Variants in NEDD4L observed in about 807,000 individuals in gnomAD.
NEDD4L encodes the protein E3 ubiquitin-protein ligase NEDD4-like.
In NEDD4L, 54 loss-of-function variants were observed where a neutral mutation model predicts 148.9. The observed-to-expected ratio is 0.36, with a 90% CI of 0.29 to 0.45. NEDD4L has a LOEUF of 0.45. Among genes scored for constraint, NEDD4L ranks in the 20% least tolerant of loss-of-function variants. The pLI, the probability that NEDD4L is intolerant of heterozygous loss-of-function variation, is 1.00. For missense variants in NEDD4L, 856 were observed against 1,233.8 expected (o/e 0.69, Z 4.59); for synonymous variants, 433 against 440.7 (o/e 0.98, Z 0.22).
chr18:58,341,613 C>T (rs190391806), intron 14 of NEDD4L, 65 bp from the exon 15 acceptor site: 29 of 1,552,208 alleles, frequency 1.9e-5, no homozygotes, highest in African/African-American at 5.5e-5. Context: ...TTTGGGTTCG[C>T]GCTCCTAATC....
chr18:58,222,120 C>G (rs570214112), intron 2 of NEDD4L, among the ~76,000 whole-genome samples: 3 of 152,074 alleles, frequency 2.0e-5, no homozygotes, highest in Non-Finnish European at 4.4e-5. Context: ...AAACAGAGAC[C>G]GCTGAAGTTC....
intron 5 of NEDD4L, among the ~76,000 whole-genome samples, chr18:58,270,782 T>G (rs1600503470): frequency 6.6e-6 from 1 of 152,080 alleles, no homozygotes; most frequent in African/African-American, 2.4e-5. Flanking sequence ...GATTCCCTCT[T>G]CTAATTTGCT....
rs1183445009 is a variant in NEDD4L, at chr18:58,214,783, G to GTTTCTTTC, written c.123-30635_123-30628dup. On this transcript the variant is annotated intron_variant, in intron 2 of 30. Transcript: ENST00000400345. ...GTTTTTAAAACTCTGTGGTATTTCT[G>GTTTCTTTC]TTTCTTTCTTTCTTTCATTTTTTTT... 6.0e-4 allele frequency among the ~76,000 whole-genome samples: 59 copies of GTTTCTTTC among 98,098 alleles called. 1 individual carries two copies. Among genetic ancestry groups the GTTTCTTTC allele is most frequent in the Non-Finnish European group, 8.6e-4 (41 of 47,668 alleles). 64.4% of individuals were successfully genotyped at this position (98,098 alleles called of 152,430 possible).
intron 1 of NEDD4L, among the ~76,000 whole-genome samples, chr18:58,100,937 C>A (rs2084715611): frequency 6.6e-6 from 1 of 152,128 alleles, no homozygotes; most frequent in African/African-American, 2.4e-5. Context: ...TCCCGAGTAG[C>A]TGGGATGACA....
In NEDD4L at chr18:58,398,341, G is replaced by A. The variant is rs751484829; in HGVS notation, c.*2072G>A. 6 of 151,326 alleles carry A rather than the reference G, an allele frequency of 4.0e-5. No homozygotes were observed. Among genetic ancestry groups the A allele is most frequent in the African/African-American group, 9.8e-5 (4 of 40,776 alleles). 9.4% of individuals were successfully genotyped at this position (151,326 alleles called of 1,614,324 possible). A position where few individuals can be genotyped will look rare whatever the true frequency, so the allele number is the denominator to read the frequency against. ...TAAGAATCATGCCAGAGCCTGAGTC[G>A]AGCAGTATGCTTTCTTGGTTTTTGA... is the stretch of plus-strand genomic sequence containing the variant. On this transcript the variant is annotated 3_prime_UTR_variant, in exon 31 of 31. Transcript: ENST00000400345.
intron 5 of NEDD4L, among the ~76,000 whole-genome samples, chr18:58,301,705 T>A (rs995122306): frequency 1.3e-5 from 2 of 152,190 alleles, no homozygotes; most frequent in Non-Finnish European, 1.5e-5. Flanking sequence ...TTTTTCAAGC[T>A]GTTGTCTGTG....
intron 1 of NEDD4L, among the ~76,000 whole-genome samples, chr18:58,136,441 A>T (rs2032859152): frequency 6.6e-6 from 1 of 152,186 alleles, no homozygotes; most frequent in African/African-American, 2.4e-5. Flanking sequence ...GAGTAGAGCA[A>T]GAGTAACACA....
chr18:58,138,995 A>T (rs1157557276), intron 1 of NEDD4L, among the ~76,000 whole-genome samples: 1 of 152,200 alleles, frequency 6.6e-6, no homozygotes, highest in Admixed American at 6.5e-5. Context: ...CATTTCAGCC[A>T]CCCTGGATGA....
intron 1 of NEDD4L, among the ~76,000 whole-genome samples, chr18:58,129,697 C>A (rs117687776): frequency 6.6e-6 from 1 of 152,220 alleles, no homozygotes; most frequent in Non-Finnish European, 1.5e-5. Flanking sequence ...CTTGTCCACA[C>A]GCGTGGCTTC....
chr18:58,279,870 G>T (rs1325456618), intron 5 of NEDD4L, among the ~76,000 whole-genome samples: 1 of 152,134 alleles, frequency 6.6e-6, no homozygotes, highest in East Asian at 1.9e-4. Context: ...TCACAAATAA[G>T]CATTATACAC....
intron 2 of NEDD4L, among the ~76,000 whole-genome samples, chr18:58,223,965 G>A (rs2044060346): frequency 6.6e-6 from 1 of 152,126 alleles, no homozygotes; most frequent in Non-Finnish European, 1.5e-5. Context: ...GCACAGGTGG[G>A]CAGTGGGATG....
intron 2 of NEDD4L, among the ~76,000 whole-genome samples, chr18:58,235,776 C>A (rs1369895874): frequency 1.3e-5 from 2 of 152,034 alleles, no homozygotes; most frequent in African/African-American, 4.8e-5. Flanking sequence ...ATCTGTGTCT[C>A]TGTGGGTGTT....
chr18:58,343,395 A>C (rs914107066), intron 16 of NEDD4L, among the ~76,000 whole-genome samples: 1 of 151,720 alleles, frequency 6.6e-6, no homozygotes, highest in African/African-American at 2.4e-5. Context: ...TGTGCTGTTA[A>C]GATTTTGTTA....
At chr18:58,170,358 G>A in intron 2 of NEDD4L, among the ~76,000 whole-genome samples, 1 of 120,198 alleles carries the variant, frequency 8.3e-6, no homozygotes, top group African/African-American at 3.3e-5. Context: ...AGCCCAAGAG[G>A]ACAGAACACT....
At chr18:58,143,204 TC>T (rs2033739928) in intron 1 of NEDD4L, among the ~76,000 whole-genome samples, 2 of 152,246 alleles carry the variant, frequency 1.3e-5, no homozygotes, top group African/African-American at 4.8e-5. Flanking sequence ...GCACATCATA[TC>T]CCTGTTCACT....
intron 1 of NEDD4L, among the ~76,000 whole-genome samples, chr18:58,049,880 G>A (rs1430993489): frequency 1.3e-5 from 2 of 150,630 alleles, no homozygotes; most frequent in African/African-American, 4.9e-5. Flanking sequence ...GGGAGGCTGA[G>A]GTGGAAGGAT....
chr18:58,262,438 G>C (rs1362280296), intron 5 of NEDD4L, among the ~76,000 whole-genome samples: 1 of 152,124 alleles, frequency 6.6e-6, no homozygotes, highest in African/African-American at 2.4e-5. Flanking sequence ...AGACCAGCCT[G>C]AGCAACATGG....
At chr18:58,230,001 C>T (rs1466777672) in intron 2 of NEDD4L, among the ~76,000 whole-genome samples, 3 of 151,854 alleles carry the variant, frequency 2.0e-5, no homozygotes, top group Admixed American at 6.6e-5. Context: ...AAAAACAAAA[C>T]AAACAAACAA....
intron 2 of NEDD4L, chr18:58,195,512 G>A: frequency 1.9e-5 from 25 of 1,345,080 alleles, no homozygotes; most frequent in Non-Finnish European, 2.5e-5. Flanking sequence ...GGCTGCGCAG[G>A]GCCCTACCTG....
Sources: gnomAD v4.1 joint callset for allele counts (sites outside exome capture counted in the v4.1 genomes callset) on GRCh38, gnomAD v4.1.1 for gene constraint, MANE v1.5 for transcripts, NCBI Gene and HGNC (gene_info 2026-07-23, HGNC 2026-07-21) for gene names.